The following AFDN variants were observed in gnomAD, a reference collection of about 807,000 sequenced individuals.
AFDN encodes afadin.
AFDN carries 68 observed loss-of-function variants against 216.6 expected under a neutral mutation model. The ratio of observed to expected loss-of-function variants is 0.31; its 90% CI spans 0.26 to 0.38. AFDN has a LOEUF of 0.38. Ranked by LOEUF, AFDN falls within the 10% of genes least tolerant of loss-of-function variation. The probability of loss-of-function intolerance (pLI) is 1.00; values close to 1 mark genes in which losing one functional copy is unlikely to be tolerated. For missense variants in AFDN, 2,136 were observed against 2,342.0 expected (o/e 0.91, Z 1.82); for synonymous variants, 868 against 853.7 (o/e 1.02, Z -0.29).
In AFDN at chr6:167,952,048, G is replaced by A; in HGVS notation, c.4694G>A (p.Arg1565His). The A allele has an allele frequency of 6.2e-7, 1 of 1,614,170 alleles. No individual in the cohort carries two copies. The highest frequency in any genetic ancestry group is 2.2e-5 in the East Asian group (1 of 44,876). Residue 1565 changes from arginine to histidine, a missense_variant, in exon 30 of 34, where the codon CGC becomes CAC. Physicochemically the swap from Arg to His is conservative, Grantham distance 29. Coordinates refer to ENST00000683244, the MANE Select transcript of AFDN (RefSeq NM_001386888.1). The stretch of plus-strand genomic sequence containing the variant: ...AGCGCCGAGGAGAGCGACCGGCTGC[G>A]CAAGCTCATGCTGGAGTGGCAGTTC... ...DRSAEESDRL[R>H]KLMLEWQFQK...
At position 167,962,543 on chromosome 6, in the gene AFDN, A is replaced by G. The variant is rs759005021; in HGVS notation, c.4944A>G (p.Arg1648=). 27 of 1,613,818 alleles carry G rather than the reference A, an allele frequency of 1.7e-5. No individual in the cohort carries two copies. The African/African-American group carries it at 2.9e-4, about 18-fold the overall frequency. Residue 1648 remains arginine, a synonymous_variant, in exon 31 of 34, where the codon CGA becomes CGG. Coordinates refer to ENST00000683244, the MANE Select transcript of AFDN (RefSeq NM_001386888.1). This position sits in a 1 kb window ranked among gnomAD's most constrained non-coding sequence, Gnocchi z 5.2. ...EEERRRQEEE[R]TKRDAEEKRR... ...AGCGCCGGCGGCAGGAGGAGGAGCG[A>G]ACAAAACGAGACGCTGAAGAAAAGG...
At chr6:167,864,191 A>G (rs904462053) in intron 1 of AFDN, 1 of 480,748 alleles carries the variant, frequency 2.1e-6, no homozygotes, top group Non-Finnish European at 4.2e-6. Flanking sequence ...TTGGACAACT[A>G]GATCTTGAAA....
chr6:167,873,763 T>C (rs1785039488), intron 4 of AFDN, among the ~76,000 whole-genome samples: 1 of 152,234 alleles, frequency 6.6e-6, no homozygotes, highest in African/African-American at 2.4e-5. Flanking sequence ...TAAGGCAACA[T>C]CTTTCCACAT....
intron 31 of AFDN, chr6:167,964,447 CACTT>C: frequency 9.4e-7 from 1 of 1,065,372 alleles, no homozygotes; most frequent in South Asian, 4.6e-5. Flanking sequence ...TCCAAGGGAA[CACTT>C]ACTTTGTGTA....
At chr6:167,946,668 A>G in intron 26 of AFDN, 39 bp from the exon 27 acceptor site, 1 of 1,572,526 alleles carries the variant, frequency 6.4e-7, no homozygotes, top group East Asian at 2.2e-5. Context: ...GGTGTTGAAA[A>G]TAAAATCTTA....
At chr6:167,886,147 A>T (rs1786779285) in intron 6 of AFDN, among the ~76,000 whole-genome samples, 1 of 151,910 alleles carries the variant, frequency 6.6e-6, no homozygotes, top group African/African-American at 2.4e-5. Flanking sequence ...TACAGTGAAC[A>T]TGTGTTATTC....
At chr6:167,946,974 GTTTGT>G in intron 27 of AFDN, 73 bp downstream of exon 27, 1 of 1,327,586 alleles carries the variant, frequency 7.5e-7, no homozygotes, top group Non-Finnish European at 1.0e-6. Flanking sequence ...GCACTTTGTG[GTTTGT>G]TAATTATTAA....
intron 11 of AFDN, 100 bp from the exon 12 acceptor site, chr6:167,902,217 T>C: frequency 1.2e-6 from 1 of 862,084 alleles, no homozygotes; most frequent in South Asian, 1.7e-5. Flanking sequence ...TAAAAATCTT[T>C]GACATTTGGT....
intron 13 of AFDN, among the ~76,000 whole-genome samples, chr6:167,910,539 TGTGA>T (rs1393261611): frequency 2.0e-5 from 3 of 152,178 alleles, no homozygotes; most frequent in Non-Finnish European, 4.4e-5. Context: ...TAAGAAGAAA[TGTGA>T]GTGAGTAGAA....
chr6:167,849,385 G>T (rs1782051048), intron 1 of AFDN, among the ~76,000 whole-genome samples: 1 of 151,974 alleles, frequency 6.6e-6, no homozygotes, highest in African/African-American at 2.4e-5. Context: ...CTGCATTCTT[G>T]TTTGTTGCCG....
At position 167,969,141 on chromosome 6, in the gene AFDN, G is replaced by A. The variant is rs1407485868; in HGVS notation, c.5285G>A (p.Gly1762Glu). 1.2e-6 allele frequency: 2 copies of A among 1,613,888 alleles called. No individual in the cohort carries two copies. Among genetic ancestry groups the A allele is most frequent in the Non-Finnish European group, 1.7e-6 (2 of 1,179,814 alleles). Residue 1762 changes from glycine to glutamate, a missense_variant, in exon 33 of 34, where the codon GGA becomes GAA. By Grantham distance (98) the Gly-to-Glu change is moderately conservative. Around this residue, in one of 8 missense-constraint regions of AFDN, gnomAD observed 981 missense variants for 966.0 expected, o/e 1.02. Coordinates refer to ENST00000683244, the MANE Select transcript of AFDN (RefSeq NM_001386888.1). Reference protein sequence around the residue: ...AGPNSYPGSTGAAVGAHDACR... With the variant: ...AGPNSYPGSTEAAVGAHDACR... The stretch of plus-strand genomic sequence containing the variant: ...CCAAACTCTTACCCAGGATCTACTG[G>A]AGCAGCTGTTGGAGCCCATGACGCC...
At chr6:167,890,639 C>G (rs1454892839) in intron 7 of AFDN, among the ~76,000 whole-genome samples, 1 of 150,826 alleles carries the variant, frequency 6.6e-6, no homozygotes, top group Non-Finnish European at 1.5e-5. Flanking sequence ...TTAGAGTAGT[C>G]TTTGGAAATT....
At chr6:167,947,325 G>C (rs567396700) in intron 27 of AFDN, among the ~76,000 whole-genome samples, 2,684 of 152,088 alleles carry the variant, frequency 0.018, 36 homozygotes, top group Non-Finnish European at 0.027. Context: ...GACTATGGGC[G>C]CCCACCACCA....
At chr6:167,873,398 A>C (rs906759607) in intron 4 of AFDN, among the ~76,000 whole-genome samples, 2 of 152,244 alleles carry the variant, frequency 1.3e-5, no homozygotes, top group Admixed American at 1.3e-4. Flanking sequence ...TTAAACGATT[A>C]TACAGTATTA....
At position 167,891,028 on chromosome 6, in the gene AFDN, A is replaced by G. The variant is rs1345641687; in HGVS notation, c.1176A>G (p.Pro392=). 1.2e-6 allele frequency: 2 copies of G among 1,607,886 alleles called. No individual in the cohort carries two copies. Among genetic ancestry groups the G allele is most frequent in the Admixed American group, 1.7e-5 (1 of 58,552 alleles). The change falls in exon 8 of 34, where the codon CCA becomes CCG. Residue 392 remains proline, a splice_region_variant and synonymous_variant. Transcript: ENST00000683244. ...EKLPYLVELS[P]GRRNHFAYYN... Reference sequence around the variant, plus strand: ...TGCCCTATTTAGTAGAGTTAAGCCCAGGTGAGAAAACTGGTCACACCAGCA... The same window carrying G: ...TGCCCTATTTAGTAGAGTTAAGCCCGGGTGAGAAAACTGGTCACACCAGCA...
At chr6:167,910,287 A>T (rs1004892454) in intron 13 of AFDN, among the ~76,000 whole-genome samples, 10 of 152,226 alleles carry the variant, frequency 6.6e-5, no homozygotes, top group African/African-American at 2.2e-4. Context: ...TTCACAAAAC[A>T]GCCTTCTGCC....
Position 167,894,676 on chromosome 6 carries a change from G to A in AFDN, c.1222+770G>A, listed in dbSNP as rs550257646. The stretch of plus-strand genomic sequence containing the variant: ...AGTAATAAGAGAGCCTGGGAAGGAT[G>A]TTTATCTCTCTATCTGTTGACAAAT... On this transcript the variant is annotated intron_variant, in intron 9 of 33. Coordinates refer to ENST00000683244, the MANE Select transcript of AFDN (RefSeq NM_001386888.1). 6.6e-5 allele frequency among the ~76,000 whole-genome samples: 10 copies of A among 152,308 alleles called. No homozygotes were observed. In the East Asian group the frequency reaches 1.7e-3, roughly 26 times the overall value.
chr6:167,866,511 G>GT (rs2062565793), intron 2 of AFDN, among the ~76,000 whole-genome samples: 1 of 152,186 alleles, frequency 6.6e-6, no homozygotes, highest in South Asian at 2.1e-4. Flanking sequence ...TTTAGTAAGT[G>GT]TTTAACAGTG....
intron 8 of AFDN, among the ~76,000 whole-genome samples, chr6:167,891,422 T>G (rs1787583900): frequency 6.6e-6 from 1 of 150,668 alleles, no homozygotes; most frequent in East Asian, 2.0e-4. Flanking sequence ...TGTGTGTGTG[T>G]GTGTGTGTGT....
Sources: gnomAD v4.1 joint callset for allele counts (sites outside exome capture counted in the v4.1 genomes callset) on GRCh38, gnomAD v4.1.1 for gene constraint, gnomAD v4.1.1 regional missense constraint, Gnocchi (gnomAD v3.1) non-coding constraint, MANE v1.5 for transcripts, NCBI Gene and HGNC (gene_info 2026-07-23, HGNC 2026-07-21) for gene names.